MACROD2: variants seen among roughly 807,000 people sequenced by gnomAD.
MACROD2 encodes mono-ADP ribosylhydrolase 2.
MACROD2 carries 36 observed loss-of-function variants against 70.4 expected under a neutral mutation model. That is an observed-to-expected ratio of 0.51 (90% CI 0.39 to 0.68). MACROD2 has a LOEUF of 0.68. MACROD2 is among the 30% of genes least tolerant of loss of function. MACROD2 has a pLI of 0.00. For synonymous variants in MACROD2, 172 were observed against 178.8 expected (o/e 0.96, Z 0.30); for missense variants, 496 against 538.4 (o/e 0.92, Z 0.78).
chr20:14,191,958 T>G (rs968651740), intron 3 of MACROD2, among the ~76,000 whole-genome samples: 7 of 147,292 alleles, frequency 4.8e-5, no homozygotes, highest in Non-Finnish European at 8.9e-5. Context: ...TTTAAAATAC[T>G]GTGTGGCTTC....
intron 3 of MACROD2, among the ~76,000 whole-genome samples, chr20:14,154,552 ATTTTTTTTTT>A (rs869299523): frequency 4.7e-5 from 5 of 106,650 alleles, no homozygotes; most frequent in East Asian, 2.6e-4. Context: ...CGCCCGGCTA[ATTTTTTTTTT>A]TTTTTTTTTT....
At chr20:14,655,993 C>T (rs577809617) in intron 4 of MACROD2, among the ~76,000 whole-genome samples, 45 of 152,266 alleles carry the variant, frequency 3.0e-4, no homozygotes, top group African/African-American at 9.9e-4. Flanking sequence ...GCTGTAGGGT[C>T]CCCTGCCGCC....
At chr20:14,158,025 T>C (rs1474345397) in intron 3 of MACROD2, among the ~76,000 whole-genome samples, 1 of 152,188 alleles carries the variant, frequency 6.6e-6, no homozygotes, top group Non-Finnish European at 1.5e-5. Context: ...GCTAGACCAA[T>C]TTACCTTCCA....
intron 8 of MACROD2, among the ~76,000 whole-genome samples, chr20:15,536,097 A>T (rs1245673403): frequency 2.0e-5 from 3 of 152,294 alleles, no homozygotes; most frequent in South Asian, 2.1e-4. Context: ...CCAGCCTTCC[A>T]CACGATACCG....
intron 4 of MACROD2, among the ~76,000 whole-genome samples, chr20:14,673,920 CAA>C (rs1175764543): frequency 0.012 from 615 of 50,940 alleles, 10 homozygotes; most frequent in African/African-American, 0.035. Context: ...AACTCCATCT[CAA>C]AAAAAAAAAA....
chr20:14,917,454 G>T (rs954718563), intron 5 of MACROD2, among the ~76,000 whole-genome samples: 4 of 152,024 alleles, frequency 2.6e-5, no homozygotes, highest in Non-Finnish European at 5.9e-5. Flanking sequence ...ATGAAGCAAT[G>T]CAGGGAGGAC....
chr20:15,007,574 CT>C (rs1488895269), intron 5 of MACROD2, among the ~76,000 whole-genome samples: 6 of 152,132 alleles, frequency 3.9e-5, no homozygotes, highest in Admixed American at 1.3e-4. Flanking sequence ...ACAGAAACCA[CT>C]TTAGGTATTT....
intron 3 of MACROD2, among the ~76,000 whole-genome samples, chr20:14,394,518 A>G (rs1282093431): frequency 6.6e-6 from 1 of 152,130 alleles, no homozygotes; most frequent in Non-Finnish European, 1.5e-5. Flanking sequence ...TAGATCTTCT[A>G]CATAGTTATG....
At chr20:15,910,876 A>T (rs140328235) in intron 10 of MACROD2, among the ~76,000 whole-genome samples, 92 of 152,326 alleles carry the variant, frequency 6.0e-4, no homozygotes, top group African/African-American at 2.1e-3. Context: ...AGTCTATTTG[A>T]TACTTAATTA....
chr20:15,429,951 A>G (rs983290552), intron 6 of MACROD2, among the ~76,000 whole-genome samples: 3 of 152,034 alleles, frequency 2.0e-5, no homozygotes, highest in Non-Finnish European at 2.9e-5. Context: ...TGAGTCTTCA[A>G]TGAATTATTC....
intron 8 of MACROD2, among the ~76,000 whole-genome samples, chr20:15,623,205 AT>A (rs2049152605): frequency 6.6e-6 from 1 of 152,190 alleles, no homozygotes; most frequent in African/African-American, 2.4e-5. Flanking sequence ...GTTTCTAATT[AT>A]TTTTAAATAA....
chr20:15,796,787 A>T (rs17633068), intron 8 of MACROD2, among the ~76,000 whole-genome samples: 18,915 of 152,254 alleles, frequency 0.12, 1,379 homozygotes, highest in Middle Eastern at 0.28. Context: ...CAGTGAATTG[A>T]CACGATTCTA....
chr20:14,409,674 G>A (rs575872038), intron 3 of MACROD2, among the ~76,000 whole-genome samples: 1 of 152,018 alleles, frequency 6.6e-6, no homozygotes, highest in East Asian at 1.9e-4. Flanking sequence ...CATCTGGTTG[G>A]GCCAAATCTC....
intron 5 of MACROD2, among the ~76,000 whole-genome samples, chr20:14,994,050 A>T (rs921184674): frequency 1.2e-4 from 18 of 152,156 alleles, no homozygotes; most frequent in African/African-American, 4.3e-4. Context: ...TATAGGTTGG[A>T]GAAGACATCC....
intron 3 of MACROD2, among the ~76,000 whole-genome samples, chr20:14,274,080 G>A (rs1232752368): frequency 6.6e-6 from 1 of 152,188 alleles, no homozygotes; most frequent in Non-Finnish European, 1.5e-5. Flanking sequence ...AGAGGAACTG[G>A]TACCATTCCT....
chr20:15,290,443 G>A (rs992679564), intron 6 of MACROD2, among the ~76,000 whole-genome samples: 2 of 152,140 alleles, frequency 1.3e-5, no homozygotes, highest in Non-Finnish European at 2.9e-5. Context: ...AGACTTGGGC[G>A]ACAGTGGTTT....
In MACROD2 at chr20:15,678,512, A is replaced by G. The variant is rs376085625; in HGVS notation, c.645+178665A>G. 4.1e-3 allele frequency among the ~76,000 whole-genome samples: 624 copies of G among 152,076 alleles called. 2 individuals are homozygous for G. The highest frequency in any genetic ancestry group is 0.041 in the Middle Eastern group (12 of 294). On this transcript the variant is annotated intron_variant, in intron 8 of 17. Transcript: ENST00000684519. Reference sequence around the variant, plus strand: ...GTAGCTGGGACTACAGGCGCCCGCCACCATGCCTGGCTAATTTTTTGTATT... The same window carrying G: ...GTAGCTGGGACTACAGGCGCCCGCCGCCATGCCTGGCTAATTTTTTGTATT...
intron 2 of MACROD2, among the ~76,000 whole-genome samples, chr20:14,075,551 G>A (rs2053906706): frequency 6.6e-6 from 1 of 152,142 alleles, no homozygotes; most frequent in South Asian, 2.1e-4. Context: ...TCTTTCCAAA[G>A]TGGCTCCTCT....
chr20:14,247,160 A>G (rs1264121374), intron 3 of MACROD2, among the ~76,000 whole-genome samples: 1 of 152,160 alleles, frequency 6.6e-6, no homozygotes, highest in Non-Finnish European at 1.5e-5. Context: ...ATAAATATAT[A>G]AATAAATTAT....
Sources: allele counts gnomAD v4.1 joint callset (sites outside exome capture counted in the v4.1 genomes callset), GRCh38; gene constraint gnomAD v4.1.1; transcripts MANE v1.5; gene names NCBI Gene and HGNC (gene_info 2026-07-23, HGNC 2026-07-21).